MED27: variants seen among roughly 807,000 people sequenced by gnomAD.
The protein encoded by MED27 is mediator complex subunit 27.
MED27 carries 30 observed loss-of-function variants against 38.2 expected under a neutral mutation model. The observed-to-expected ratio is 0.79, with a 90% CI of 0.59 to 1.07. The LOEUF (loss-of-function observed/expected upper bound fraction) is 1.07, where lower values mean the gene tolerates loss of function less well. MED27 is among the 50% of genes least tolerant of loss of function. The pLI is 0.00. For missense variants in MED27, 289 were observed against 397.5 expected (o/e 0.73, Z 2.32); for synonymous variants, 122 against 153.5 (o/e 0.79, Z 1.52).
chr9:131,893,739 A>C, intron 5 of MED27, 146 bp downstream of exon 5: 1 of 598,350 alleles, frequency 1.7e-6, no homozygotes, highest in Middle Eastern at 4.5e-4. Context: ...TTTTTCACAA[A>C]GTGTGCATCC....
rs896679135 is a variant in MED27, at chr9:131,860,244, C to T, written c.*294G>A. On this transcript the variant is annotated 3_prime_UTR_variant, in exon 8 of 8. Coordinates refer to ENST00000292035, the MANE Select transcript of MED27 (RefSeq NM_004269.4). This position sits in a 1 kb window ranked among gnomAD's most constrained non-coding sequence, Gnocchi z 5.8. ...AGTAACAGCTCGCGGAGACGACAGA[C>T]ACCAGCACTGCCGACACACATGGAC... 1.3e-5 allele frequency: 4 copies of T among 318,856 alleles called. No individual in the cohort carries two copies. Among genetic ancestry groups the T allele is most frequent in the Middle Eastern group, 8.5e-4 (1 of 1,180 alleles). The allele number at this position is 318,856 out of a possible 1,614,324, so 19.8% of individuals were successfully genotyped here.
rs1839195866 is a variant in MED27 at position 131,889,610 on chromosome 9, G to C, written c.681+4275C>G. On this transcript the variant is annotated intron_variant, in intron 5 of 7. Coordinates refer to ENST00000292035, the MANE Select transcript of MED27 (RefSeq NM_004269.4). The surrounding 1 kb of genome is among the most constrained non-coding windows in gnomAD (Gnocchi z 4.2). ...TGCATTGCAGGTAAAGAGACAGGATGCTAGGGTCATGGCGGTGGTTGTTAG... is the reference window on the plus strand; with the variant it reads ...TGCATTGCAGGTAAAGAGACAGGATCCTAGGGTCATGGCGGTGGTTGTTAG... Among the ~76,000 whole-genome samples the C allele has an allele frequency of 6.6e-6, 1 of 152,198 alleles. No individual in the cohort carries two copies. The highest frequency in any genetic ancestry group is 2.4e-5 in the African/African-American group (1 of 41,440).
At chr9:131,906,564 GAA>G (rs1830066734) in intron 4 of MED27, among the ~76,000 whole-genome samples, 1 of 152,222 alleles carries the variant, frequency 6.6e-6, no homozygotes, top group Admixed American at 6.5e-5. Flanking sequence ...GCTTTCAGTA[GAA>G]AAGTGGCATG....
At chr9:132,077,383 T>A in intron 2 of MED27, 59 bp downstream of exon 2, 2 of 1,493,610 alleles carry the variant, frequency 1.3e-6, no homozygotes, top group Non-Finnish European at 9.2e-7. Flanking sequence ...TCTGCATGTA[T>A]GGAATATAAG....
intron 4 of MED27, among the ~76,000 whole-genome samples, chr9:131,927,250 T>C (rs1159377208): frequency 1.3e-5 from 2 of 152,238 alleles, no homozygotes; most frequent in Non-Finnish European, 2.9e-5. Flanking sequence ...TTAAAGATTA[T>C]GCAAGAGGCT....
intron 3 of MED27, among the ~76,000 whole-genome samples, chr9:131,990,880 T>A (rs1241268180): frequency 6.6e-6 from 1 of 152,212 alleles, no homozygotes; most frequent in African/African-American, 2.4e-5. Flanking sequence ...CATAACACTA[T>A]GCACTAATCA....
chr9:132,066,756 C>T (rs1295642434), intron 2 of MED27, among the ~76,000 whole-genome samples: 1 of 152,194 alleles, frequency 6.6e-6, no homozygotes, highest in African/African-American at 2.4e-5. Flanking sequence ...CCCCAGCTCC[C>T]CTCCCGCACA....
At chr9:131,920,070 T>TA (rs1321712288) in intron 4 of MED27, among the ~76,000 whole-genome samples, 1 of 152,110 alleles carries the variant, frequency 6.6e-6, no homozygotes, top group African/African-American at 2.4e-5. Context: ...CTCAGCCTCC[T>TA]AAAGTGCTGG....
At chr9:131,957,802 G>A (rs953283412) in intron 3 of MED27, among the ~76,000 whole-genome samples, 1 of 151,882 alleles carries the variant, frequency 6.6e-6, no homozygotes, top group African/African-American at 2.4e-5. Flanking sequence ...CATCTGGCTG[G>A]GCTTAATGGT....
At position 132,032,144 on chromosome 9, in the gene MED27, A is replaced by G. The variant is rs537469885; in HGVS notation, c.349-17677T>C. The G allele has an allele frequency of 3.3e-5, 5 of 152,312 alleles. No individual in the cohort carries two copies. The East Asian group carries it at 7.7e-4, about 24-fold the overall frequency. The allele number at this position is 152,312 out of a possible 1,614,324, so 9.4% of individuals were successfully genotyped here. A position where few individuals can be genotyped will look rare whatever the true frequency, so the allele number is the denominator to read the frequency against. Reference sequence around the variant, plus strand: ...TGGGCACGGGGGACGGCTCTGCCACAAGCCCACGAGCCGAGCCCACCTTGG... The same window carrying G: ...TGGGCACGGGGGACGGCTCTGCCACGAGCCCACGAGCCGAGCCCACCTTGG... On this transcript the variant is annotated intron_variant, in intron 2 of 7. Transcript: ENST00000292035.
chr9:131,956,792 AC>A (rs1280380675), intron 3 of MED27, among the ~76,000 whole-genome samples: 4 of 151,874 alleles, frequency 2.6e-5, no homozygotes, highest in Non-Finnish European at 5.9e-5. Flanking sequence ...TGCAGAAAAA[AC>A]GTTTGACAAA....
chr9:131,929,888 A>G (rs1039649183), intron 4 of MED27, among the ~76,000 whole-genome samples: 2 of 152,344 alleles, frequency 1.3e-5, no homozygotes, highest in Non-Finnish European at 2.9e-5. Context: ...TAGCACCTTG[A>G]ATGAACATAG....
intron 6 of MED27, among the ~76,000 whole-genome samples, chr9:131,874,741 C>T (rs548323003): frequency 5.9e-5 from 9 of 152,200 alleles, no homozygotes; most frequent in Non-Finnish European, 8.8e-5. Flanking sequence ...GGAATTAAGG[C>T]TTTTCATTTA....
chr9:131,868,445 A>AT (rs1447838760), intron 6 of MED27, among the ~76,000 whole-genome samples: 1 of 152,150 alleles, frequency 6.6e-6, no homozygotes, highest in African/African-American at 2.4e-5. Context: ...CGCCCAGCTA[A>AT]TTTTTTATTT....
intron 3 of MED27, among the ~76,000 whole-genome samples, chr9:132,012,519 G>A (rs1589265505): frequency 6.6e-6 from 1 of 152,182 alleles, no homozygotes; most frequent in African/African-American, 2.4e-5. Flanking sequence ...AATCATGGAA[G>A]TGGTGGCATA....
At position 131,997,501 on chromosome 9, in the gene MED27, A is replaced by G. The variant is rs186979079; in HGVS notation, c.479+16836T>C. Among the ~76,000 whole-genome samples the G allele has an allele frequency of 1.7e-4, 26 of 152,322 alleles. No individual in the cohort carries two copies. Among genetic ancestry groups the G allele is most frequent in the African/African-American group, 5.5e-4 (23 of 41,576 alleles). ...CAAGGCAGGTAACCCTGCTGCAGAG[A>G]TCCCCTGGGTTGACCGAGGCGTTGC... On this transcript the variant is annotated intron_variant, in intron 3 of 7. Coordinates refer to ENST00000292035, the MANE Select transcript of MED27 (RefSeq NM_004269.4). This position sits in a 1 kb window ranked among gnomAD's most constrained non-coding sequence, Gnocchi z 4.0.
rs1435929793 is a variant in MED27 at position 131,862,695 on chromosome 9, G to GT, written c.801+367dup. ...AACTCCGAAAATCGAAGGAGGAAACGTCTTGGGAAACTGCACGATCTGTTA... is the reference window on the plus strand; with the variant it reads ...AACTCCGAAAATCGAAGGAGGAAACGTTCTTGGGAAACTGCACGATCTGTTA... On this transcript the variant is annotated intron_variant, in intron 7 of 7. Coordinates refer to ENST00000292035, the MANE Select transcript of MED27 (RefSeq NM_004269.4). This position sits in a 1 kb window ranked among gnomAD's most constrained non-coding sequence, Gnocchi z 4.6. Among the ~76,000 whole-genome samples the GT allele has an allele frequency of 2.0e-5, 3 of 152,206 alleles. No individual in the cohort carries two copies. The highest frequency in any genetic ancestry group is 7.2e-5 in the African/African-American group (3 of 41,446).
intron 3 of MED27, among the ~76,000 whole-genome samples, chr9:131,943,542 T>C (rs1262462716): frequency 6.6e-6 from 1 of 152,158 alleles, no homozygotes; most frequent in Non-Finnish European, 1.5e-5. Context: ...CTCCTACACT[T>C]CCACCATATG....
intron 3 of MED27, among the ~76,000 whole-genome samples, chr9:131,966,222 A>C (rs1268345731): frequency 4.3e-5 from 6 of 140,120 alleles, no homozygotes; most frequent in South Asian, 4.6e-4. Context: ...AAAACAAAAC[A>C]AAACCAAAAG....
Sources: gnomAD v4.1 joint callset for allele counts (sites outside exome capture counted in the v4.1 genomes callset) on GRCh38, gnomAD v4.1.1 for gene constraint, Gnocchi (gnomAD v3.1) non-coding constraint, MANE v1.5 for transcripts, NCBI Gene and HGNC (gene_info 2026-07-23, HGNC 2026-07-21) for gene names.